DOCK4: variants seen among roughly 807,000 people sequenced by gnomAD.
DOCK4 encodes dedicator of cytokinesis 4, also known as dedicator of cytokinesis protein 4.
DOCK4 carries 97 observed loss-of-function variants against 268.1 expected under a neutral mutation model. The observed-to-expected ratio is 0.36, with a 90% CI of 0.31 to 0.43. The LOEUF is 0.43. DOCK4 is among the 20% of genes least tolerant of loss of function. The pLI is 1.00. For missense variants in DOCK4, 2,145 were observed against 2,455.7 expected, an observed-to-expected ratio of 0.87 and a Z score of 2.67; for synonymous variants, 954 against 887.2, an observed-to-expected ratio of 1.08 and a Z score of -1.34.
chr7:111,838,106 A>T (rs1803377809), intron 25 of DOCK4, among the ~76,000 whole-genome samples: 1 of 151,264 alleles, frequency 6.6e-6, no homozygotes, highest in Admixed American at 6.6e-5. Context: ...AAAAAAAAAA[A>T]AAAAAAGATG....
chr7:111,987,937 T>C (rs1227859412), intron 6 of DOCK4, among the ~76,000 whole-genome samples: 1 of 152,232 alleles, frequency 6.6e-6, no homozygotes, highest in Admixed American at 6.5e-5. Context: ...GGAAGTCCTC[T>C]GAGTGAGATG....
chr7:111,752,734 G>A (rs574527105), intron 42 of DOCK4, among the ~76,000 whole-genome samples: 63 of 151,496 alleles, frequency 4.2e-4, no homozygotes, highest in Non-Finnish European at 6.9e-4. Context: ...CTACAGGTGC[G>A]TGCCACCATG....
intron 32 of DOCK4, among the ~76,000 whole-genome samples, chr7:111,786,597 G>A (rs553316326): frequency 6.6e-6 from 1 of 152,200 alleles, no homozygotes; most frequent in South Asian, 2.1e-4. Flanking sequence ...TACTCCAAGG[G>A]GTCCATTTTG....
At chr7:111,873,423 G>A (rs193064078) in intron 17 of DOCK4, among the ~76,000 whole-genome samples, 12 of 152,350 alleles carry the variant, frequency 7.9e-5, no homozygotes, top group Non-Finnish European at 1.0e-4. Flanking sequence ...GAAGGCTCGC[G>A]TGTGCCGAGC....
intron 31 of DOCK4, chr7:111,789,018 C>A (rs569072953): frequency 2.1e-6 from 1 of 479,836 alleles, no homozygotes; most frequent in Non-Finnish European, 3.8e-6. Context: ...TGCTTGCAGC[C>A]CAGTTTAAAC....
intron 1 of DOCK4, among the ~76,000 whole-genome samples, chr7:112,033,427 C>CT (rs1487944090): frequency 6.6e-6 from 1 of 152,150 alleles, no homozygotes; most frequent in Non-Finnish European, 1.5e-5. Flanking sequence ...CAGTAAATGC[C>CT]TTTTATTCTA....
intron 27 of DOCK4, chr7:111,820,293 T>C (rs955932834): frequency 3.9e-5 from 6 of 152,160 alleles, no homozygotes; most frequent in African/African-American, 7.2e-5. Flanking sequence ...ATGAATGAGG[T>C]TGGACTTGCA....
chr7:112,036,716 A>G (rs1338689983), intron 1 of DOCK4, among the ~76,000 whole-genome samples: 4 of 143,594 alleles, frequency 2.8e-5, no homozygotes, highest in African/African-American at 7.9e-5. Context: ...GCTGGAGTGC[A>G]GTGGCATGAT....
At chr7:111,771,024 C>T (rs1327527755) in intron 36 of DOCK4, among the ~76,000 whole-genome samples, 4 of 152,216 alleles carry the variant, frequency 2.6e-5, no homozygotes, top group Admixed American at 6.5e-5. Flanking sequence ...CCTAATCCAC[C>T]AGCAGTCTCT....
chr7:111,793,782 A>G (rs2133820867), intron 30 of DOCK4, among the ~76,000 whole-genome samples: 1 of 152,266 alleles, frequency 6.6e-6, no homozygotes, highest in East Asian at 1.9e-4. Flanking sequence ...TTGGGAGGCC[A>G]AGGCAGGAGA....
intron 27 of DOCK4, chr7:111,819,956 C>A (rs1801852667): frequency 6.6e-6 from 1 of 152,166 alleles, no homozygotes; most frequent in Non-Finnish European, 1.5e-5. Context: ...CATGGTTTAG[C>A]CAAGCGGAAA....
intron 1 of DOCK4, among the ~76,000 whole-genome samples, chr7:112,146,837 G>A (rs1376028083): frequency 6.6e-6 from 1 of 152,138 alleles, no homozygotes; most frequent in Non-Finnish European, 1.5e-5. Context: ...TTAAGAATTT[G>A]TAATAATTTA....
intron 27 of DOCK4, among the ~76,000 whole-genome samples, chr7:111,819,203 A>T (rs535987283): frequency 1.3e-5 from 2 of 152,362 alleles, no homozygotes; most frequent in South Asian, 4.1e-4. Context: ...TACCTTCCTC[A>T]GTAAGCAAGT....
intron 26 of DOCK4, 25 bp downstream of exon 26, chr7:111,834,563 G>T (rs767291139): frequency 6.6e-5 from 98 of 1,488,542 alleles, no homozygotes; most frequent in Admixed American, 3.8e-4. Context: ...ATATGTTAAA[G>T]AAAACATTTT....
At chr7:111,853,442 C>T (rs1804745340) in intron 23 of DOCK4, among the ~76,000 whole-genome samples, 1 of 152,216 alleles carries the variant, frequency 6.6e-6, no homozygotes, top group Non-Finnish European at 1.5e-5. Context: ...GAAAGCCTGA[C>T]ATCAGAGCTG....
chr7:111,733,420 TG>T (rs1795246737), intron 51 of DOCK4, among the ~76,000 whole-genome samples: 1 of 152,222 alleles, frequency 6.6e-6, no homozygotes, highest in African/African-American at 2.4e-5. Flanking sequence ...TCTTGAATGC[TG>T]GGGCATGCTG....
chr7:111,945,342 C>T (rs533442831), intron 9 of DOCK4, among the ~76,000 whole-genome samples: 75 of 152,278 alleles, frequency 4.9e-4, no homozygotes, highest in African/African-American at 1.7e-3. Flanking sequence ...CCTGCCACCA[C>T]GCCTGGCTAA....
chr7:112,085,925 C>G (rs990673766), intron 1 of DOCK4, among the ~76,000 whole-genome samples: 1 of 152,090 alleles, frequency 6.6e-6, no homozygotes, highest in Non-Finnish European at 1.5e-5. Context: ...CTAATCAAGT[C>G]TCTGGAGCTA....
chr7:111,735,251 T>C (rs919960311), intron 50 of DOCK4, 84 bp from the exon 51 acceptor site: 6 of 944,670 alleles, frequency 6.4e-6, no homozygotes, highest in Admixed American at 3.2e-5. Flanking sequence ...GTCAGAATTA[T>C]CCAGAATGAA....
Sources: allele counts gnomAD v4.1 joint callset (sites outside exome capture counted in the v4.1 genomes callset), GRCh38; gene constraint gnomAD v4.1.1; transcripts MANE v1.5; gene names NCBI Gene and HGNC (gene_info 2026-07-23, HGNC 2026-07-21).